Variants in XKR9 observed in about 807,000 individuals in gnomAD.
XKR9 encodes XK related 9.
XKR9 carries 32 observed loss-of-function variants against 32.0 expected under a neutral mutation model. The ratio of observed to expected loss-of-function variants is 1.00; its 90% CI spans 0.76 to 1.34. The LOEUF (loss-of-function observed/expected upper bound fraction) is 1.34. Among genes scored for constraint, XKR9 ranks in the 40% most tolerant of loss-of-function variants. The pLI is 0.00. For synonymous variants in XKR9, 168 were observed against 143.4 expected, an observed-to-expected ratio of 1.17 and a Z score of -1.22; for missense variants, 546 against 429.7, an observed-to-expected ratio of 1.27 and a Z score of -2.39.
chr8:70,792,183 T>C (rs1209573211), downstream of XKR9, among the ~76,000 whole-genome samples: 1 of 152,154 alleles, frequency 6.6e-6, no homozygotes, highest in Non-Finnish European at 1.5e-5. Context: ...TATTTTAATT[T>C]ATTCAATTAA....
At chr8:71,016,162 G>C in the XKR9 span, among the ~76,000 whole-genome samples, 1 of 151,936 alleles carries the variant, frequency 6.6e-6, no homozygotes, top group South Asian at 2.1e-4. Context: ...ATTAAATCTG[G>C]GTTAATTATT....
the XKR9 span, among the ~76,000 whole-genome samples, chr8:70,900,805 C>T: frequency 6.6e-6 from 1 of 152,206 alleles, no homozygotes; most frequent in Non-Finnish European, 1.5e-5. Flanking sequence ...TGCTATCCCT[C>T]CCCTACCCCC....
At chr8:70,709,638 A>G (rs1805841583) in intron 4 of XKR9, among the ~76,000 whole-genome samples, 1 of 152,114 alleles carries the variant, frequency 6.6e-6, no homozygotes, top group African/African-American at 2.4e-5. Flanking sequence ...AAACAGTAGC[A>G]TTTTTTTACA....
At chr8:70,790,870 T>A (rs2130269699), downstream of XKR9, among the ~76,000 whole-genome samples, 1 of 152,110 alleles carries the variant, frequency 6.6e-6, no homozygotes, top group South Asian at 2.1e-4. Flanking sequence ...GCTGGCAGAT[T>A]TGGTATCTGA....
rs946978346 is a variant in XKR9 at position 70,750,972 on chromosome 8, T to C, written n.353-38367T>C. 4.6e-5 allele frequency among the ~76,000 whole-genome samples: 7 copies of C among 152,308 alleles called. 1 individual carries two copies. In the South Asian group the frequency reaches 1.0e-3, roughly 23 times the overall value. On this transcript the variant is annotated intron_variant and non_coding_transcript_variant, in intron 2 of 3. Coordinates refer to the XKR9 transcript ENST00000520273. ...CTCTCCGTAGTGTGGTTGGGCCTCA[T>C]CTACTCAGTTGAACATGTGAATAGA...
At chr8:70,946,383 C>A in the XKR9 span, among the ~76,000 whole-genome samples, 1 of 151,186 alleles carries the variant, frequency 6.6e-6, no homozygotes, top group Admixed American at 6.6e-5. Flanking sequence ...AAAAAAAAAA[C>A]GATAAAAACT....
At chr8:70,878,925 T>C in the XKR9 span, among the ~76,000 whole-genome samples, 9 of 152,088 alleles carry the variant, frequency 5.9e-5, no homozygotes, top group Non-Finnish European at 1.2e-4. Flanking sequence ...CCTCAGCAAA[T>C]GTAAAAGAAC....
chr8:70,812,177 C>T, the XKR9 span, among the ~76,000 whole-genome samples: 1 of 152,108 alleles, frequency 6.6e-6, no homozygotes, highest in African/African-American at 2.4e-5. Flanking sequence ...ATAAACAGAA[C>T]CAAAGACAAA....
intron 3 of XKR9, among the ~76,000 whole-genome samples, chr8:70,690,602 G>T (rs7844239): frequency 0.33 from 49,922 of 151,208 alleles, 9,358 homozygotes; most frequent in Non-Finnish European, 0.43. Context: ...GCCCACCTCG[G>T]CCTCCCAAAG....
intron 3 of XKR9, among the ~76,000 whole-genome samples, chr8:70,694,761 C>T (rs1265854226): frequency 6.6e-6 from 1 of 152,180 alleles, no homozygotes; most frequent in East Asian, 1.9e-4. Flanking sequence ...GGAAATGGGG[C>T]CTGTGGGCTG....
chr8:70,991,131 C>T, the XKR9 span, among the ~76,000 whole-genome samples: 1 of 152,082 alleles, frequency 6.6e-6, no homozygotes, highest in Non-Finnish European at 1.5e-5. Context: ...AAGAAGAGTT[C>T]AGTCTACCCA....
the XKR9 span, among the ~76,000 whole-genome samples, chr8:70,831,154 G>A: frequency 6.6e-6 from 1 of 151,974 alleles, no homozygotes; most frequent in Admixed American, 6.6e-5. Context: ...AGCCGGATGT[G>A]GTGGTGGTCG....
the XKR9 span, among the ~76,000 whole-genome samples, chr8:71,051,985 C>G: frequency 1.3e-5 from 2 of 152,144 alleles, no homozygotes; most frequent in African/African-American, 4.8e-5. Context: ...TTTCAGGCAC[C>G]AGGAGCAAAG....
chr8:70,854,405 G>A, the XKR9 span, among the ~76,000 whole-genome samples: 2 of 152,104 alleles, frequency 1.3e-5, no homozygotes, highest in Non-Finnish European at 2.9e-5. Context: ...TGAGTTCATT[G>A]TAGATTCTGG....
the XKR9 span, among the ~76,000 whole-genome samples, chr8:70,805,536 T>C: frequency 6.6e-6 from 1 of 152,134 alleles, no homozygotes; most frequent in East Asian, 1.9e-4. Flanking sequence ...GCGGCATTCA[T>C]CTCTATAGCT....
At position 70,735,480 on chromosome 8, in the gene XKR9, T is replaced by C. The variant is rs996327647; in HGVS notation, c.*1056T>C. ...TTTTATATTATTATTATTATTATTA[T>C]ACTTTAAGGTTTAGGGTACATGTGC... On this transcript the variant is annotated 3_prime_UTR_variant, in exon 5 of 5. Coordinates refer to ENST00000408926, the MANE Select transcript of XKR9 (RefSeq NM_001011720.2). 11 of 151,166 alleles carry C rather than the reference T, an allele frequency of 7.3e-5. No homozygotes were observed. Among genetic ancestry groups the C allele is most frequent in the Admixed American group, 6.6e-5 (1 of 15,190 alleles). The allele number at this position is 151,166 out of a possible 1,614,324, so 9.4% of individuals were successfully genotyped here.
chr8:70,984,085 G>A, the XKR9 span, among the ~76,000 whole-genome samples: 2 of 152,162 alleles, frequency 1.3e-5, no homozygotes, highest in African/African-American at 2.4e-5. Flanking sequence ...GCTAGCAGTA[G>A]GACATTAAAA....
At chr8:70,692,987 G>A (rs1456417008) in intron 3 of XKR9, among the ~76,000 whole-genome samples, 1 of 152,226 alleles carries the variant, frequency 6.6e-6, no homozygotes, top group Non-Finnish European at 1.5e-5. Flanking sequence ...CATCTGTTGA[G>A]AAGATTGTGT....
At chr8:70,836,740 G>A in the XKR9 span, among the ~76,000 whole-genome samples, 29 of 152,012 alleles carry the variant, frequency 1.9e-4, no homozygotes, top group Non-Finnish European at 3.4e-4. Flanking sequence ...GCTGGGTAAT[G>A]TATATTTAGT....
Sources: allele counts gnomAD v4.1 joint callset (sites outside exome capture counted in the v4.1 genomes callset), GRCh38; gene constraint gnomAD v4.1.1; transcripts MANE v1.5; gene names NCBI Gene and HGNC (gene_info 2026-07-23, HGNC 2026-07-21).